PCDHGB7: variants seen among roughly 807,000 people sequenced by gnomAD.
The protein encoded by PCDHGB7 is protocadherin gamma subfamily B, 7.
In PCDHGB7, 37 loss-of-function variants were observed where a neutral mutation model predicts 61.4. The observed-to-expected ratio is 0.60, with a 90% CI of 0.46 to 0.79. The LOEUF (loss-of-function observed/expected upper bound fraction) is 0.79, where lower values mean the gene tolerates loss of function less well. PCDHGB7 is among the 30% of genes least tolerant of loss of function. The pLI is 0.00. For synonymous variants in PCDHGB7, 464 were observed against 503.5 expected (o/e 0.92, Z 1.05); for missense variants, 1,166 against 1,202.5 (o/e 0.97, Z 0.45).
In PCDHGB7 at chr5:141,494,676, C is replaced by T. The variant is rs2099755997; in HGVS notation, c.2416-131C>T. On this transcript the variant is annotated intron_variant, in intron 1 of 3. Transcript: ENST00000398594. ...TTTGTCTTTGGAGATGAGTCCACCCCTGCCCCCTCTTAGTCCGTTTTCTTC... is the reference window on the plus strand; with the variant it reads ...TTTGTCTTTGGAGATGAGTCCACCCTTGCCCCCTCTTAGTCCGTTTTCTTC... 1.7e-5 allele frequency: 26 copies of T among 1,550,800 alleles called. No individual in the cohort carries two copies. In the South Asian group the frequency reaches 3.0e-4, roughly 18 times the overall value.
intron 1 of PCDHGB7, among the ~76,000 whole-genome samples, chr5:141,461,415 T>C (rs2099015091): frequency 6.6e-6 from 1 of 152,152 alleles, no homozygotes; most frequent in Non-Finnish European, 1.5e-5. Flanking sequence ...TTTCATATGT[T>C]TGTGGGCCAT....
intron 1 of PCDHGB7, chr5:141,478,479 C>T (rs750055106): frequency 1.9e-6 from 3 of 1,613,550 alleles, no homozygotes; most frequent in Admixed American, 1.7e-5. Context: ...CGCCAGAACA[C>T]GCTGCGGAGC....
At chr5:141,421,619 C>T (rs778666303) in intron 1 of PCDHGB7, 2 of 1,613,694 alleles carry the variant, frequency 1.2e-6, no homozygotes, top group South Asian at 1.1e-5. Flanking sequence ...AATGATAACG[C>T]CCCCAGCTTC....
At chr5:141,488,866 G>A (rs957501628) in intron 1 of PCDHGB7, among the ~76,000 whole-genome samples, 1 of 152,148 alleles carries the variant, frequency 6.6e-6, no homozygotes, top group African/African-American at 2.4e-5. Flanking sequence ...GAAGTGAGTG[G>A]GGAGGTAGGA....
At chr5:141,437,459 C>T (rs749625924) in intron 1 of PCDHGB7, among the ~76,000 whole-genome samples, 1 of 152,140 alleles carries the variant, frequency 6.6e-6, no homozygotes, top group Admixed American at 6.5e-5. Context: ...GGAGACTATA[C>T]TATACTTTTA....
intron 1 of PCDHGB7, among the ~76,000 whole-genome samples, chr5:141,453,135 A>G (rs932061368): frequency 6.6e-6 from 1 of 151,778 alleles, no homozygotes; most frequent in Non-Finnish European, 1.5e-5. Context: ...TGTTTTTGAG[A>G]TAGGGTCTCG....
Position 141,489,524 on chromosome 5 carries a change from T to TA in PCDHGB7, c.2416-5282dup. Reference sequence around the variant, plus strand: ...AATCAAAAGATTGACCGAGAAAGCCTATGTGGAGCCAGCACCAGCTGCCTG... The same window carrying TA: ...AATCAAAAGATTGACCGAGAAAGCCTAATGTGGAGCCAGCACCAGCTGCCTG... On this transcript the variant is annotated intron_variant, in intron 1 of 3. Transcript: ENST00000398594. This position sits in a 1 kb window ranked among gnomAD's most constrained non-coding sequence, Gnocchi z 4.5. 6.2e-7 allele frequency: 1 copy of TA among 1,614,076 alleles called. No homozygotes were observed. Among genetic ancestry groups the TA allele is most frequent in the Non-Finnish European group, 8.5e-7 (1 of 1,180,010 alleles).
chr5:141,473,763 G>A (rs1333191998), intron 1 of PCDHGB7, among the ~76,000 whole-genome samples: 1 of 152,204 alleles, frequency 6.6e-6, no homozygotes, highest in African/African-American at 2.4e-5. Context: ...ACTATGCAAA[G>A]GATTTGGTAT....
chr5:141,497,412 A>G (rs963440048), intron 2 of PCDHGB7, among the ~76,000 whole-genome samples: 13 of 151,982 alleles, frequency 8.6e-5, no homozygotes, highest in African/African-American at 3.1e-4. Flanking sequence ...CTCCCATTCC[A>G]TCAAATGAGA....
chr5:141,425,371 G>T (rs1396857898), intron 1 of PCDHGB7, among the ~76,000 whole-genome samples: 3 of 152,186 alleles, frequency 2.0e-5, no homozygotes, highest in African/African-American at 7.2e-5. Context: ...AGAGGGTTAT[G>T]TTGATTCGGA....
rs370299433 is a variant in PCDHGB7 at position 141,476,360 on chromosome 5, G to A, written c.2416-18447G>A. 5.3e-5 allele frequency: 86 copies of A among 1,614,186 alleles called. No homozygotes were observed. The highest frequency in any genetic ancestry group is 6.7e-5 in the Non-Finnish European group (79 of 1,180,042). ...CCGAAGATTCTTTGAGGTGAACCGG[G>A]AGACCGGAGAGATGTTTGTGAACGA... On this transcript the variant is annotated intron_variant, in intron 1 of 3. Transcript: ENST00000398594. This position sits in a 1 kb window ranked among gnomAD's most constrained non-coding sequence, Gnocchi z 7.6.
chr5:141,450,815 A>AT (rs1554136868), intron 1 of PCDHGB7, among the ~76,000 whole-genome samples: 4,329 of 126,688 alleles, frequency 0.034, 70 homozygotes, highest in Middle Eastern at 0.091. Flanking sequence ...TATTTATTTA[A>AT]TATTATTATT....
At position 141,511,238 on chromosome 5, in the gene PCDHGB7, G is replaced by A; in HGVS notation, c.*65G>A. ...CAACCAGCCCAGCTTCTCCTTACCT[G>A]CACCCAGGCCTCAGAGTTTCAGGGC... On this transcript the variant is annotated 3_prime_UTR_variant, in exon 4 of 4. Coordinates refer to ENST00000398594, the MANE Select transcript of PCDHGB7 (RefSeq NM_018927.4). 6.3e-7 allele frequency: 1 copy of A among 1,589,142 alleles called. No homozygotes were observed. The highest frequency in any genetic ancestry group is 2.3e-5 in the East Asian group (1 of 43,302).
At chr5:141,435,334 T>C (rs1223377462) in intron 1 of PCDHGB7, among the ~76,000 whole-genome samples, 1 of 152,196 alleles carries the variant, frequency 6.6e-6, no homozygotes, top group East Asian at 1.9e-4. Context: ...ATATAGTGAA[T>C]TTATTTCTTC....
rs377061064 is a variant in PCDHGB7, at chr5:141,505,429, C to A, written c.2511C>A (p.Asn837Lys). 1.2e-6 allele frequency: 2 copies of A among 1,614,116 alleles called. No homozygotes were observed. Among genetic ancestry groups the A allele is most frequent in the African/African-American group, 1.3e-5 (1 of 74,938 alleles). Residue 837 changes from asparagine (N) to lysine (K), a missense_variant, in exon 3 of 4, where the codon AAC becomes AAA. Asn to Lys is a moderately conservative substitution (Grantham distance 94, BLOSUM62 0). Coordinates refer to ENST00000398594, the MANE Select transcript of PCDHGB7 (RefSeq NM_018927.4). ...QNGDDTGTWP[N>K]NQFDTEMLQA... ...GCGATGACACCGGCACCTGGCCCAA[C>A]AACCAGTTTGACACAGAGATGCTGC...
chr5:141,489,459 C>T lies in PCDHGB7; in HGVS notation c.2416-5348C>T. The T allele has an allele frequency of 6.2e-7, 1 of 1,614,086 alleles. No homozygotes were observed. The highest frequency in any genetic ancestry group is 8.5e-7 in the Non-Finnish European group (1 of 1,180,012). On this transcript the variant is annotated intron_variant, in intron 1 of 3. Coordinates refer to ENST00000398594, the MANE Select transcript of PCDHGB7 (RefSeq NM_018927.4). The surrounding 1 kb of genome is among the most constrained non-coding windows in gnomAD (Gnocchi z 4.5). The stretch of plus-strand genomic sequence containing the variant: ...AATTGGGCTCTGAGGAGAATGGGCG[C>T]TATTTTTCCCTGAGCTTGATGAGTG...
Position 141,486,335 on chromosome 5 carries a change from C to T in PCDHGB7, c.2416-8472C>T, listed in dbSNP as rs762408704. ...AGGGTCAAACGGAGATGTGAGCCTC[C>T]GCATTCCTGACCACTTGCCATTTGC... On this transcript the variant is annotated intron_variant, in intron 1 of 3. Transcript: ENST00000398594. The surrounding 1 kb of genome is among the most constrained non-coding windows in gnomAD (Gnocchi z 5.0). 6.2e-6 allele frequency: 10 copies of T among 1,613,936 alleles called. No individual in the cohort carries two copies. Among genetic ancestry groups the T allele is most frequent in the Middle Eastern group, 1.6e-4 (1 of 6,082 alleles).
Position 141,422,952 on chromosome 5 carries a change from C to T in PCDHGB7, c.2415+2678C>T, listed in dbSNP as rs759618535. 11 of 1,614,254 alleles carry T rather than the reference C, an allele frequency of 6.8e-6. No homozygotes were observed. The East Asian group carries it at 2.0e-4, about 29-fold the overall frequency. On this transcript the variant is annotated intron_variant, in intron 1 of 3. Coordinates refer to ENST00000398594, the MANE Select transcript of PCDHGB7 (RefSeq NM_018927.4). ...CCCTCCCCACAGACGGCTCCACTGG[C>T]GTGGAGCTGGCGCCCCGCTCTGCGG...
Position 141,431,145 on chromosome 5 carries a change from A to G in PCDHGB7, c.2415+10871A>G. The G allele has an allele frequency of 1.2e-6, 2 of 1,614,244 alleles. No homozygotes were observed. Among genetic ancestry groups the G allele is most frequent in the Non-Finnish European group, 1.7e-6 (2 of 1,180,042 alleles). On this transcript the variant is annotated intron_variant, in intron 1 of 3. Transcript: ENST00000398594. The surrounding 1 kb of genome is among the most constrained non-coding windows in gnomAD (Gnocchi z 4.8). ...GTAGAAGTAAGGGACATTAACGACA[A>G]TGCGCCTTACTTTCGTGAAAGTGAA... is the stretch of plus-strand genomic sequence containing the variant.
Sources: allele counts gnomAD v4.1 joint callset (sites outside exome capture counted in the v4.1 genomes callset), GRCh38; gene constraint gnomAD v4.1.1; non-coding constraint Gnocchi (gnomAD v3.1); transcripts MANE v1.5; gene names NCBI Gene and HGNC (gene_info 2026-07-23, HGNC 2026-07-21).